CCM2: variants seen among roughly 807,000 people sequenced by gnomAD.
CCM2 encodes the protein cerebral cavernous malformations 2 protein.
Under a neutral mutation model 44.9 loss-of-function variants are expected in CCM2, and 25 were observed. That is an observed-to-expected ratio of 0.56 (90% CI 0.41 to 0.78). The LOEUF (loss-of-function observed/expected upper bound fraction) is 0.78, where lower values mean the gene tolerates loss of function less well. Ranked by LOEUF, CCM2 falls within the 30% of genes least tolerant of loss-of-function variation. The pLI is 0.00. For synonymous variants in CCM2, 219 were observed against 241.1 expected, an observed-to-expected ratio of 0.91 and a Z score of 0.85; for missense variants, 481 against 580.6, an observed-to-expected ratio of 0.83 and a Z score of 1.76.
intron 4 of CCM2, among the ~76,000 whole-genome samples, chr7:45,066,901 A>ATTT (rs34087646): frequency 7.0e-6 from 1 of 143,716 alleles, no homozygotes; most frequent in Admixed American, 6.9e-5. Flanking sequence ...AAACCAGTAA[A>ATTT]TTTTTTTTTT....
intron 6 of CCM2, chr7:45,070,726 A>T: frequency 4.7e-6 from 1 of 210,966 alleles, no homozygotes; most frequent in South Asian, 5.7e-5. Context: ...AGGCGGGCGG[A>T]TCACCTGAGG....
In CCM2 at chr7:45,074,357, T is replaced by C. The variant is rs1172312376; in HGVS notation, c.1003T>C (p.Cys335Arg). 1 of 1,613,792 alleles carries C rather than the reference T, an allele frequency of 6.2e-7. No homozygotes were observed. Among genetic ancestry groups the C allele is most frequent in the African/African-American group, 1.3e-5 (1 of 75,066 alleles). Residue 335 changes from cysteine to arginine, a missense_variant, in exon 9 of 10, where the codon TGC (cysteine) becomes CGC (arginine). By Grantham distance (180) the Cys-to-Arg change is radical. Transcript: ENST00000258781. ...CAATGGGGCCTCTATCCACGAGTTC[T>C]GCATCAACCTGCGGCAGCTCTACGG... ...YRNGASIHEF[C>R]INLRQLYGDS...
intron 4 of CCM2, among the ~76,000 whole-genome samples, chr7:45,065,543 G>A (rs1798732182): frequency 6.6e-6 from 1 of 152,204 alleles, no homozygotes; most frequent in Non-Finnish European, 1.5e-5. Flanking sequence ...AAGGTCAGTA[G>A]TTCATTGAGA....
chr7:45,040,410 A>C (rs760367040), intron 2 of CCM2, among the ~76,000 whole-genome samples: 2 of 152,162 alleles, frequency 1.3e-5, no homozygotes, highest in Non-Finnish European at 2.9e-5. Flanking sequence ...TCCCAGAAAG[A>C]ATATTCAAAA....
chr7:45,043,865 T>G (rs1204325913), intron 2 of CCM2: 1 of 262,880 alleles, frequency 3.8e-6, no homozygotes, highest in Non-Finnish European at 7.4e-6. Flanking sequence ...CATTCAACCC[T>G]GAATTAAATT....
chr7:45,061,878 A>C (rs1370051883), intron 2 of CCM2, among the ~76,000 whole-genome samples: 1 of 152,310 alleles, frequency 6.6e-6, no homozygotes, highest in African/African-American at 2.4e-5. Flanking sequence ...GGTGGGGCTC[A>C]TGGAGGTAAA....
intron 4 of CCM2, 54 bp from the exon 5 acceptor site, chr7:45,068,389 G>A: frequency 1.2e-6 from 2 of 1,612,260 alleles, no homozygotes; most frequent in Non-Finnish European, 1.7e-6. Context: ...TTCCTCAAGT[G>A]CCCCCATGCC....
chr7:45,007,907 T>C (rs1795907682), intron 1 of CCM2, among the ~76,000 whole-genome samples: 1 of 152,206 alleles, frequency 6.6e-6, no homozygotes, highest in Non-Finnish European at 1.5e-5. Context: ...TTTATGTCTA[T>C]TCTATAGTTT....
intron 2 of CCM2, among the ~76,000 whole-genome samples, chr7:45,039,109 G>T (rs1449112919): frequency 6.6e-6 from 1 of 152,146 alleles, no homozygotes; most frequent in Non-Finnish European, 1.5e-5. Flanking sequence ...CTCAGGAGGG[G>T]CATGGGGCAG....
intron 1 of CCM2, among the ~76,000 whole-genome samples, chr7:45,014,985 C>A (rs947280493): frequency 1.3e-5 from 2 of 152,140 alleles, no homozygotes; most frequent in Non-Finnish European, 2.9e-5. Flanking sequence ...GTGCATCTGG[C>A]ATCTTTTTGA....
chr7:45,070,570 T>A, intron 6 of CCM2: 1 of 390,998 alleles, frequency 2.6e-6, no homozygotes. Context: ...CAAGCTCACT[T>A]GAGTTAAGTC....
At chr7:45,074,088 C>A in intron 8 of CCM2, 182 bp from the exon 9 acceptor site, 1 of 1,376,106 alleles carries the variant, frequency 7.3e-7, no homozygotes, top group Non-Finnish European at 9.7e-7. Flanking sequence ...CTCTGGGTGG[C>A]CCCGTGCCAG....
At chr7:45,009,933 AG>A (rs1796001756) in intron 1 of CCM2, among the ~76,000 whole-genome samples, 1 of 150,326 alleles carries the variant, frequency 6.7e-6, no homozygotes, top group Non-Finnish European at 1.5e-5. Flanking sequence ...TTTTTTAAAC[AG>A]GGTCTCACTC....
intron 6 of CCM2, 77 bp from the exon 7 acceptor site, chr7:45,072,649 C>T (rs1418133967): frequency 2.7e-6 from 3 of 1,108,222 alleles, no homozygotes; most frequent in Non-Finnish European, 4.2e-6. Context: ...CCTGTAAATA[C>T]AGCAGTGGGC....
At chr7:45,047,120 A>T (rs1797794860) in intron 2 of CCM2, among the ~76,000 whole-genome samples, 1 of 152,216 alleles carries the variant, frequency 6.6e-6, no homozygotes, top group Admixed American at 6.5e-5. Flanking sequence ...GCTGGTAGGG[A>T]TGTAAAATGG....
chr7:45,032,218 TTAGGG>T (rs1352031650), intron 1 of CCM2, among the ~76,000 whole-genome samples: 9 of 152,084 alleles, frequency 5.9e-5, no homozygotes, highest in Admixed American at 2.0e-4. Flanking sequence ...AAAAAGAAAC[TTAGGG>T]TAGCTGCTAT....
chr7:45,023,809 T>TTTTTTG (rs1796580891), intron 1 of CCM2, among the ~76,000 whole-genome samples: 3 of 86,910 alleles, frequency 3.5e-5, no homozygotes, highest in African/African-American at 4.8e-5. Context: ...TTTTTTTTTT[T>TTTTTTG]TTTTTTTTTT....
intron 1 of CCM2, 90 bp from the exon 2 acceptor site, chr7:45,038,163 T>A: frequency 6.9e-7 from 1 of 1,455,396 alleles, no homozygotes; most frequent in South Asian, 1.2e-5. Context: ...GCCATGGTAG[T>A]AGTTTTGGCT....
intron 2 of CCM2, among the ~76,000 whole-genome samples, chr7:45,048,121 G>C (rs1797844657): frequency 6.6e-6 from 1 of 152,182 alleles, no homozygotes; most frequent in South Asian, 2.1e-4. Context: ...TAGAAAAATG[G>C]CTCTAGATCC....
Sources: allele counts gnomAD v4.1 joint callset (sites outside exome capture counted in the v4.1 genomes callset), GRCh38; gene constraint gnomAD v4.1.1; transcripts MANE v1.5; gene names NCBI Gene and HGNC (gene_info 2026-07-23, HGNC 2026-07-21).